PRCC: variants seen among roughly 807,000 people sequenced by gnomAD.
PRCC encodes proline rich mitotic checkpoint control factor.
In PRCC, 10 loss-of-function variants were observed where a neutral mutation model predicts 44.0. The observed-to-expected ratio is 0.23, with a 90% confidence interval of 0.14 to 0.39. The LOEUF (loss-of-function observed/expected upper bound fraction) is 0.39. PRCC is among the 10% of genes least tolerant of loss of function. PRCC has a pLI of 1.00. For synonymous variants in PRCC, 278 were observed against 259.5 expected, an observed-to-expected ratio of 1.07 and a Z score of -0.69; for missense variants, 573 against 624.7, an observed-to-expected ratio of 0.92 and a Z score of 0.88.
Position 156,767,801 on chromosome 1 carries a change from T to A in PRCC, c.30T>A (p.Asp10Glu). The change falls in exon 1 of 7, where the codon GAT becomes GAA. Residue 10 changes from aspartate (D) to glutamate (E), a missense_variant. By Grantham distance (45) the Asp-to-Glu change is conservative. Around this residue, in one of 4 missense-constraint regions of PRCC, gnomAD observed 245 missense variants for 188.5 expected, o/e 1.30. Coordinates refer to ENST00000271526, the MANE Select transcript of PRCC (RefSeq NM_005973.5). MSLVAYASS[D>E]ESEPDEAEPE... Reference sequence around the variant, plus strand: ...CGCTGGTTGCTTACGCCAGCAGCGATGAGAGCGAGCCGGATGAGGCTGAGC... The same window carrying A: ...CGCTGGTTGCTTACGCCAGCAGCGAAGAGAGCGAGCCGGATGAGGCTGAGC... 6.2e-7 allele frequency: 1 copy of A among 1,608,892 alleles called. No individual in the cohort carries two copies. The highest frequency in any genetic ancestry group is 1.1e-5 in the South Asian group (1 of 90,104).
chr1:156,786,788 G>T lies in PRCC; in HGVS notation c.697G>T (p.Val233Leu), dbSNP rs1390119658. ...KTKTSSLAPVVGTTTTTPSPS... is the reference protein window; with the variant it reads ...KTKTSSLAPVLGTTTTTPSPS... The stretch of plus-strand genomic sequence containing the variant: ...CAAGACTTCCTCTCTTGCCCCTGTT[G>T]TGGGCACCACAACCACCACTCCGTC... Residue 233 changes from valine (V) to leucine (L), a missense_variant, in exon 3 of 7, where the codon GTG becomes TTG. Physicochemically the swap from Val to Leu is conservative, Grantham distance 32 (BLOSUM62 1). This residue lies in a region of PRCC where 118 missense variants were observed against 166.7 expected (regional missense o/e 0.71). Transcript: ENST00000271526. 6.2e-7 allele frequency: 1 copy of T among 1,614,196 alleles called. No individual in the cohort carries two copies. The highest frequency in any genetic ancestry group is 2.2e-5 in the East Asian group (1 of 44,892).
chr1:156,782,907 T>C (rs1314233513), intron 2 of PRCC, among the ~76,000 whole-genome samples: 1 of 151,946 alleles, frequency 6.6e-6, no homozygotes, highest in Non-Finnish European at 1.5e-5. Context: ...TCAGACAATA[T>C]ATATATTTTT....
Position 156,786,908 on chromosome 1 carries a change from C to T in PRCC, c.817C>T (p.Pro273Ser). 6.2e-7 allele frequency: 1 copy of T among 1,614,190 alleles called. No individual in the cohort carries two copies. Among genetic ancestry groups the T allele is most frequent in the East Asian group, 2.2e-5 (1 of 44,874 alleles). Residue 273 changes from proline (P) to serine (S), a missense_variant, in exon 3 of 7, where the codon CCC (proline) becomes TCC (serine). Pro to Ser is a moderately conservative substitution (Grantham distance 74). Around this residue, in one of 4 missense-constraint regions of PRCC, gnomAD observed 118 missense variants for 166.7 expected, o/e 0.71. Transcript: ENST00000271526. Reference protein sequence around the residue: ...EEDDSDEEVAPENFFSLPEKA... With the variant: ...EEDDSDEEVASENFFSLPEKA... ...AGACGACAGTGATGAGGAAGTAGCC[C>T]CCGAAAACTTTTTCTCCCTCCCTGA...
At position 156,794,826 on chromosome 1, in the gene PRCC, A is replaced by AT; in HGVS notation, c.1323+20dup. The AT allele has an allele frequency of 6.2e-7, 1 of 1,613,998 alleles. No homozygotes were observed. Among genetic ancestry groups the AT allele is most frequent in the Non-Finnish European group, 8.5e-7 (1 of 1,179,950 alleles). ...TCAGCAAAGTAAGTGGGAAACGTCT[A>AT]TTGAGTGGTCAGCTTGGGAAGCTGC... On this transcript the variant is annotated intron_variant, in intron 5 of 6. Coordinates refer to ENST00000271526, the MANE Select transcript of PRCC (RefSeq NM_005973.5).
At chr1:156,782,360 C>A (rs770271287) in intron 2 of PRCC, 31 bp downstream of exon 2, 4 of 1,560,970 alleles carry the variant, frequency 2.6e-6, no homozygotes, top group Non-Finnish European at 3.5e-6. Context: ...CATTTTTTTT[C>A]TCTTCCTGTA....
chr1:156,768,672 A>G (rs76807267), intron 1 of PRCC, among the ~76,000 whole-genome samples: 10,332 of 152,306 alleles, frequency 0.068, 645 homozygotes, highest in African/African-American at 0.15. Flanking sequence ...TGAACTCAAA[A>G]GCATCAGGCC....
At chr1:156,776,486 T>C (rs993710736) in intron 1 of PRCC, among the ~76,000 whole-genome samples, 1 of 152,070 alleles carries the variant, frequency 6.6e-6, no homozygotes, top group African/African-American at 2.4e-5. Flanking sequence ...TTTGTGTGTG[T>C]GCTTTTAAAC....
intron 5 of PRCC, 124 bp from the exon 6 acceptor site, chr1:156,797,152 T>C: frequency 1.7e-6 from 2 of 1,148,936 alleles, no homozygotes; most frequent in Middle Eastern, 2.1e-4. Flanking sequence ...CAGCTCCAAC[T>C]TTTCTCCCCC....
At chr1:156,782,970 A>G (rs972549631) in intron 2 of PRCC, among the ~76,000 whole-genome samples, 2 of 152,036 alleles carry the variant, frequency 1.3e-5, no homozygotes, top group African/African-American at 4.8e-5. Context: ...CAATGGTGCA[A>G]TCTTGGCTCA....
At chr1:156,794,910 G>A (rs1652606482) in intron 5 of PRCC, 102 bp downstream of exon 5, 1 of 1,439,120 alleles carries the variant, frequency 6.9e-7, no homozygotes, top group Non-Finnish European at 9.5e-7. Context: ...TATTGTCACA[G>A]CACCTTTAGC....
chr1:156,800,001 G>T (rs568518816), intron 6 of PRCC, among the ~76,000 whole-genome samples: 1 of 152,074 alleles, frequency 6.6e-6, no homozygotes, highest in African/African-American at 2.4e-5. Context: ...CTACTCTGCC[G>T]GCTGGGTGTC....
intron 5 of PRCC, 64 bp downstream of exon 5, chr1:156,794,872 T>A: frequency 6.3e-7 from 1 of 1,596,342 alleles, no homozygotes; most frequent in Non-Finnish European, 8.6e-7. Flanking sequence ...CTTGTCTTAC[T>A]CCCCGTCTTG....
chr1:156,799,809 A>T (rs1313617919), intron 6 of PRCC, among the ~76,000 whole-genome samples: 1 of 152,222 alleles, frequency 6.6e-6, no homozygotes, highest in Non-Finnish European at 1.5e-5. Context: ...ATCAGAAGAA[A>T]GAAGTCATTC....
chr1:156,788,880 G>T (rs372701704), intron 3 of PRCC, among the ~76,000 whole-genome samples: 2 of 152,068 alleles, frequency 1.3e-5, no homozygotes, highest in African/African-American at 4.8e-5. Flanking sequence ...TGGTCAGGCT[G>T]GTCTCGAACT....
At chr1:156,771,665 AC>A (rs1651641182) in intron 1 of PRCC, among the ~76,000 whole-genome samples, 1 of 145,760 alleles carries the variant, frequency 6.9e-6, no homozygotes. Context: ...TTAGAAGCCA[AC>A]TCAAGCTAGT....
chr1:156,800,313 A>G (rs1034170222), intron 6 of PRCC, 61 bp from the exon 7 acceptor site: 50 of 1,511,718 alleles, frequency 3.3e-5, no homozygotes, highest in Non-Finnish European at 4.3e-5. Flanking sequence ...CACAGAGGCA[A>G]GAGGACAGCG....
intron 2 of PRCC, among the ~76,000 whole-genome samples, chr1:156,785,468 A>ATG (rs1157306714): frequency 4.6e-5 from 7 of 151,588 alleles, no homozygotes; most frequent in Non-Finnish European, 1.5e-5. Context: ...AGCCAAGATC[A>ATG]TGTCACTGCA....
intron 6 of PRCC, among the ~76,000 whole-genome samples, chr1:156,798,670 C>T (rs546247632): frequency 9.9e-5 from 15 of 152,008 alleles, no homozygotes; most frequent in Non-Finnish European, 2.2e-4. Context: ...GCCTGACCAA[C>T]ATGGTGAAAC....
intron 5 of PRCC, chr1:156,796,174 T>C (rs539541746): frequency 6.6e-6 from 1 of 152,380 alleles, no homozygotes; most frequent in African/African-American, 2.4e-5. Flanking sequence ...CTGTTGTTAA[T>C]GCTCACCGTG....
Sources: allele counts gnomAD v4.1 joint callset (sites outside exome capture counted in the v4.1 genomes callset), GRCh38; gene constraint gnomAD v4.1.1; regional missense constraint gnomAD v4.1.1; transcripts MANE v1.5; gene names NCBI Gene and HGNC (gene_info 2026-07-23, HGNC 2026-07-21).